Variants in CBLB observed in about 807,000 individuals in gnomAD.
CBLB encodes the protein E3 ubiquitin-protein ligase CBL-B.
CBLB carries 31 observed loss-of-function variants against 104.9 expected under a neutral mutation model. The ratio of observed to expected loss-of-function variants is 0.30; its 90% CI spans 0.22 to 0.40. CBLB has a LOEUF of 0.40. Among genes scored for constraint, CBLB ranks in the 10% least tolerant of loss-of-function variants. The probability of loss-of-function intolerance (pLI) is 1.00; values close to 1 mark genes in which losing one functional copy is unlikely to be tolerated. For missense variants in CBLB, 1,062 were observed against 1,214.6 expected (o/e 0.87, Z 1.87); for synonymous variants, 440 against 422.6 (o/e 1.04, Z -0.51).
chr3:105,766,635 C>A (rs79973785), intron 4 of CBLB, among the ~76,000 whole-genome samples: 183 of 149,294 alleles, frequency 1.2e-3, no homozygotes, highest in African/African-American at 4.3e-3. Context: ...TTTAGCAATT[C>A]TTTTTTAGTT....
At chr3:105,759,846 G>A (rs1240948957) in intron 4 of CBLB, among the ~76,000 whole-genome samples, 1 of 152,210 alleles carries the variant, frequency 6.6e-6, no homozygotes, top group Non-Finnish European at 1.5e-5. Context: ...CAACTCGGAA[G>A]AGGGTGGGGC....
At chr3:105,865,189 A>C (rs2092354179) in intron 2 of CBLB, among the ~76,000 whole-genome samples, 1 of 152,212 alleles carries the variant, frequency 6.6e-6, no homozygotes. Flanking sequence ...AAATAAGAAA[A>C]GATAAACAAA....
At chr3:105,662,280 T>C (rs1363128827) in intron 18 of CBLB, among the ~76,000 whole-genome samples, 1 of 152,166 alleles carries the variant, frequency 6.6e-6, no homozygotes, top group Non-Finnish European at 1.5e-5. Context: ...TTCGAATGTG[T>C]AGGGTAGTGG....
intron 3 of CBLB, among the ~76,000 whole-genome samples, chr3:105,842,294 CT>C (rs1203970624): frequency 1.3e-5 from 2 of 152,202 alleles, no homozygotes; most frequent in Non-Finnish European, 2.9e-5. Flanking sequence ...AAATATTCTC[CT>C]GTCTTCTGCT....
chr3:105,766,603 G>C (rs1449912994), intron 4 of CBLB, among the ~76,000 whole-genome samples: 1 of 152,092 alleles, frequency 6.6e-6, no homozygotes, highest in African/African-American at 2.4e-5. Context: ...CTCACTGAAG[G>C]CTCAGCTGAT....
chr3:105,854,089 T>C (rs754971235), intron 2 of CBLB, among the ~76,000 whole-genome samples: 22 of 152,322 alleles, frequency 1.4e-4, no homozygotes, highest in South Asian at 4.1e-4. Context: ...TCATAGTTTG[T>C]TAATTAGCGT....
chr3:105,737,185 T>C lies in CBLB; in HGVS notation c.1057A>G (p.Ile353Val). The C allele has an allele frequency of 6.4e-7, 1 of 1,566,776 alleles. No homozygotes were observed. The highest frequency in any genetic ancestry group is 8.8e-7 in the Non-Finnish European group (1 of 1,140,478). Residue 353 changes from isoleucine (I) to valine (V), a missense_variant, in exon 8 of 19, where the codon ATA becomes GTA. Ile to Val is a conservative substitution (Grantham distance 29). Around this residue, in one of 2 missense-constraint regions of CBLB, gnomAD observed 457 missense variants for 632.0 expected, o/e 0.72. Transcript: ENST00000394030. The stretch of plus-strand genomic sequence containing the variant: ...ATTATCCTTACCTGTGTAACTTTTA[T>C]ATGGTCATGAGGTGTAGGTTCACAT... ...GLCEPTPHDH[I>V]KVTQEQYELY...
At chr3:105,819,946 G>A (rs1201803922) in intron 3 of CBLB, among the ~76,000 whole-genome samples, 2 of 152,050 alleles carry the variant, frequency 1.3e-5, no homozygotes, top group East Asian at 3.9e-4. Flanking sequence ...GATGGTTTCA[G>A]GATGATCCAA....
At chr3:105,769,317 TA>T (rs35906059) in intron 4 of CBLB, among the ~76,000 whole-genome samples, 266 of 145,634 alleles carry the variant, frequency 1.8e-3, no homozygotes, top group Non-Finnish European at 2.8e-3. Flanking sequence ...AAACTCCACC[TA>T]AAAAAAAAAA....
intron 3 of CBLB, among the ~76,000 whole-genome samples, chr3:105,801,202 T>C (rs1046436511): frequency 1.4e-4 from 21 of 152,064 alleles, no homozygotes; most frequent in African/African-American, 5.1e-4. Flanking sequence ...CTCAGGAAAA[T>C]AGCATAAAAA....
intron 18 of CBLB, among the ~76,000 whole-genome samples, chr3:105,669,764 TGTGA>T (rs1156444529): frequency 6.6e-6 from 1 of 152,164 alleles, no homozygotes; most frequent in Non-Finnish European, 1.5e-5. Context: ...TATTAACGGT[TGTGA>T]GTATGACTTG....
At chr3:105,704,989 A>G (rs954412664) in intron 10 of CBLB, among the ~76,000 whole-genome samples, 1 of 152,098 alleles carries the variant, frequency 6.6e-6, no homozygotes, top group African/African-American at 2.4e-5. Flanking sequence ...CCATACAGTT[A>G]ATCAAGTAGC....
intron 4 of CBLB, among the ~76,000 whole-genome samples, chr3:105,773,006 C>T (rs537323606): frequency 6.6e-6 from 1 of 152,152 alleles, no homozygotes; most frequent in African/African-American, 2.4e-5. Context: ...AAAAGTAGAA[C>T]TGCCATTCAA....
At position 105,702,476 on chromosome 3, in the gene CBLB, G is replaced by GACAAAAAAAAAAAAAAAAAA. The variant is rs1553727002; in HGVS notation, c.1594-18_1594-17insTTTTTTTTTTTTTTTTTTGT. 1 of 234,370 alleles carries GACAAAAAAAAAAAAAAAAAA rather than the reference G, an allele frequency of 4.3e-6. No homozygotes were observed. Among genetic ancestry groups the GACAAAAAAAAAAAAAAAAAA allele is most frequent in the Non-Finnish European group, 6.1e-6 (1 of 163,138 alleles). 14.5% of individuals were successfully genotyped at this position (234,370 alleles called of 1,614,324 possible). A position where few individuals can be genotyped will look rare whatever the true frequency, so the allele number is the denominator to read the frequency against. On this transcript the variant is annotated splice_polypyrimidine_tract_variant and intron_variant, in intron 11 of 18. Transcript: ENST00000394030. ...AGGAGAAGACTAAAGAAACAGAAGAGAAAAAAAAAAAAAAAAAAAAAAACT... is the reference window on the plus strand; with the variant it reads ...AGGAGAAGACTAAAGAAACAGAAGAGACAAAAAAAAAAAAAAAAAAAAAAAAAAAAAAAAAAAAAAAAACT...
intron 11 of CBLB, 86 bp from the exon 12 acceptor site, chr3:105,702,545 T>C (rs896651739): frequency 5.2e-5 from 70 of 1,354,882 alleles, no homozygotes; most frequent in Admixed American, 2.6e-5. Context: ...ACTAGTGTAT[T>C]ATTGCTTTAA....
chr3:105,704,560 T>G (rs2069776261), intron 10 of CBLB, among the ~76,000 whole-genome samples: 2 of 152,176 alleles, frequency 1.3e-5, no homozygotes, highest in Non-Finnish European at 1.5e-5. Flanking sequence ...TGCTCGAGCT[T>G]TGTACATTCT....
At chr3:105,782,261 A>G (rs1384640907) in intron 3 of CBLB, among the ~76,000 whole-genome samples, 1 of 152,206 alleles carries the variant, frequency 6.6e-6, no homozygotes, top group Non-Finnish European at 1.5e-5. Context: ...TCAAATACCA[A>G]TAAAGACTGA....
rs11373751 is a variant in CBLB at position 105,743,459 on chromosome 3, CA to C, written c.845+2457del. Reference sequence around the variant, plus strand: ...GGGTGAACACAGTGAGACTCTGTCTCAAAAAAAAAAAAAAATTAAAAAAAAA... The same window carrying C: ...GGGTGAACACAGTGAGACTCTGTCTCAAAAAAAAAAAAAATTAAAAAAAAA... On this transcript the variant is annotated intron_variant, in intron 6 of 18. Coordinates refer to ENST00000394030, the MANE Select transcript of CBLB (RefSeq NM_170662.5). Among the ~76,000 whole-genome samples the C allele has an allele frequency of 7.2e-3, 944 of 131,278 alleles. 11 individuals are homozygous for C. The highest frequency in any genetic ancestry group is 0.025 in the African/African-American group (862 of 34,806). The allele number at this position is 131,278 out of a possible 152,430, so 86.1% of individuals were successfully genotyped here.
At chr3:105,739,751 G>A (rs1430082846) in intron 7 of CBLB, among the ~76,000 whole-genome samples, 4 of 152,228 alleles carry the variant, frequency 2.6e-5, no homozygotes, top group South Asian at 2.1e-4. Flanking sequence ...AAGAAAAGGG[G>A]TGGAGGGAGA....
Sources: gnomAD v4.1 joint callset for allele counts (sites outside exome capture counted in the v4.1 genomes callset) on GRCh38, gnomAD v4.1.1 for gene constraint, gnomAD v4.1.1 regional missense constraint, MANE v1.5 for transcripts, NCBI Gene and HGNC (gene_info 2026-07-23, HGNC 2026-07-21) for gene names.